The following XCR1 variants were observed in gnomAD, a reference collection of about 807,000 sequenced individuals.
XCR1 encodes the protein X-C motif chemokine receptor 1, also known as chemokine XC receptor 1.
For missense variants in XCR1, 356 were observed against 424.2 expected (o/e 0.84, Z 1.41); for synonymous variants, 187 against 188.5 (o/e 0.99, Z 0.06).
intron 4 of XCR1, among the ~76,000 whole-genome samples, chr3:46,062,779 G>A (rs1363319881): frequency 6.6e-6 from 1 of 152,248 alleles, no homozygotes; most frequent in African/African-American, 2.4e-5. Context: ...CAGAAAGGAG[G>A]TTGGCAGCAT....
chr3:46,051,888 T>TG (rs1159859680), intron 5 of XCR1, among the ~76,000 whole-genome samples: 1 of 152,000 alleles, frequency 6.6e-6, no homozygotes, highest in Non-Finnish European at 1.5e-5. Context: ...TAGCCAGGTG[T>TG]GGTGGCGGGC....
chr3:46,035,273 C>T (rs1392511469), intron 5 of XCR1, among the ~76,000 whole-genome samples: 1 of 152,138 alleles, frequency 6.6e-6, no homozygotes, highest in East Asian at 1.9e-4. Context: ...TGTTTTCTTA[C>T]ACATTGTTAC....
chr3:46,082,504 T>A (rs1698389633), intron 1 of XCR1, among the ~76,000 whole-genome samples: 1 of 150,462 alleles, frequency 6.6e-6, no homozygotes, highest in Admixed American at 6.6e-5. Context: ...TTTTTCCTTT[T>A]TTTAGAGATG....
At chr3:46,081,896 G>A (rs556676524) in intron 1 of XCR1, among the ~76,000 whole-genome samples, 6 of 151,852 alleles carry the variant, frequency 4.0e-5, no homozygotes, top group African/African-American at 1.2e-4. Flanking sequence ...TCTTGTTTCC[G>A]TCTTTATGTT....
At chr3:46,053,508 G>A (rs1182450529) in intron 5 of XCR1, among the ~76,000 whole-genome samples, 1 of 152,128 alleles carries the variant, frequency 6.6e-6, no homozygotes, top group Non-Finnish European at 1.5e-5. Context: ...GCTGTGGGTG[G>A]GACAACAGAT....
At chr3:46,056,809 A>G (rs907874759) in intron 4 of XCR1, among the ~76,000 whole-genome samples, 2 of 152,070 alleles carry the variant, frequency 1.3e-5, no homozygotes, top group East Asian at 3.9e-4. Flanking sequence ...TGAAAGTTAA[A>G]CAAACACCCA....
At chr3:46,042,642 A>G (rs1254421784) in intron 5 of XCR1, among the ~76,000 whole-genome samples, 4 of 152,218 alleles carry the variant, frequency 2.6e-5, no homozygotes, top group Non-Finnish European at 5.9e-5. Flanking sequence ...GAAAACCTGA[A>G]TGGACCTATA....
intron 1 of XCR1, among the ~76,000 whole-genome samples, chr3:46,026,897 A>AT (rs34872226): frequency 0.093 from 12,640 of 136,480 alleles, 724 homozygotes; most frequent in East Asian, 0.27. Flanking sequence ...TTCTTCTTTG[A>AT]TTTTTTTTTT....
intron 5 of XCR1, among the ~76,000 whole-genome samples, chr3:46,036,172 T>C (rs1431290534): frequency 6.6e-6 from 1 of 152,254 alleles, no homozygotes; most frequent in Admixed American, 6.5e-5. Flanking sequence ...TGGAGTTTCC[T>C]GTATCCAGGC....
intron 5 of XCR1, among the ~76,000 whole-genome samples, chr3:46,053,734 C>T (rs558116414): frequency 0.088 from 13,243 of 151,218 alleles, 958 homozygotes; most frequent in South Asian, 0.33. Context: ...AATAACCTCC[C>T]ATAGCATCTT....
chr3:46,024,510 T>A (rs1173467606), intron 1 of XCR1, among the ~76,000 whole-genome samples: 3 of 152,164 alleles, frequency 2.0e-5, no homozygotes, highest in Non-Finnish European at 4.4e-5. Flanking sequence ...GTATAAAATA[T>A]GTTATGTGTA....
intron 5 of XCR1, among the ~76,000 whole-genome samples, chr3:46,034,903 G>A (rs896630912): frequency 1.3e-5 from 2 of 152,148 alleles, no homozygotes; most frequent in South Asian, 2.1e-4. Context: ...TCCAGATAAT[G>A]AGATGCCAGA....
At chr3:46,045,115 C>T (rs866739187) in intron 5 of XCR1, among the ~76,000 whole-genome samples, 4 of 151,980 alleles carry the variant, frequency 2.6e-5, no homozygotes, top group Non-Finnish European at 5.9e-5. Context: ...TCAAAAAAAA[C>T]CCCTAAATGT....
chr3:46,022,721 A>G (rs1708182058), intron 1 of XCR1, among the ~76,000 whole-genome samples: 1 of 152,226 alleles, frequency 6.6e-6, no homozygotes, highest in Admixed American at 6.5e-5. Context: ...ACAAACACCA[A>G]ATAACCAATC....
At chr3:46,026,221 A>C (rs906455078) in intron 1 of XCR1, among the ~76,000 whole-genome samples, 1 of 152,198 alleles carries the variant, frequency 6.6e-6, no homozygotes, top group Non-Finnish European at 1.5e-5. Flanking sequence ...CATTTACTCA[A>C]AAATTTCAGA....
chr3:46,044,454 T>G (rs1345970240), intron 5 of XCR1, among the ~76,000 whole-genome samples: 6 of 152,206 alleles, frequency 3.9e-5, no homozygotes, highest in Non-Finnish European at 8.8e-5. Context: ...TTGTAGCAGT[T>G]TTTTTAATAT....
At chr3:46,084,461 C>A (rs1698434875) in intron 1 of XCR1, among the ~76,000 whole-genome samples, 1 of 152,342 alleles carries the variant, frequency 6.6e-6, no homozygotes, top group South Asian at 2.1e-4. Context: ...GCTATGTGGA[C>A]TCTAGACTAA....
Position 46,021,885 on chromosome 3 carries a change from C to T in XCR1, c.63G>A (p.Pro21=), listed in dbSNP as rs368378214. 17 of 1,613,950 alleles carry T rather than the reference C, an allele frequency of 1.1e-5. No homozygotes were observed. The highest frequency in any genetic ancestry group is 6.7e-5 in the East Asian group (3 of 44,894). Reference sequence around the variant, plus strand: ...CAAAGACCCAGGCCTGGTTCTCACACGGCTGGCTCTGAAGGTCATAGTAAA... The same window carrying T: ...CAAAGACCCAGGCCTGGTTCTCACATGGCTGGCTCTGAAGGTCATAGTAAA... ...TFFYYDLQSQ[P]CENQAWVFAT... The change falls in exon 2 of 2, where the codon CCG becomes CCA. Residue 21 remains proline, a synonymous_variant. Transcript: ENST00000309285. This position sits in a 1 kb window ranked among gnomAD's most constrained non-coding sequence, Gnocchi z 4.7.
At chr3:46,081,148 A>G (rs185274843) in intron 1 of XCR1, among the ~76,000 whole-genome samples, 2 of 152,366 alleles carry the variant, frequency 1.3e-5, no homozygotes, top group East Asian at 1.9e-4. Flanking sequence ...AACACATTTT[A>G]CTGGTCAAGT....
Sources: allele counts gnomAD v4.1 joint callset (sites outside exome capture counted in the v4.1 genomes callset), GRCh38; gene constraint gnomAD v4.1.1; non-coding constraint Gnocchi (gnomAD v3.1); transcripts MANE v1.5; gene names NCBI Gene and HGNC (gene_info 2026-07-23, HGNC 2026-07-21).